The following DTD1 variants were observed in gnomAD, a reference collection of about 807,000 sequenced individuals.
The protein encoded by DTD1 is D-tyrosyl-tRNA deacylase 1 homolog.
DTD1 carries 13 observed loss-of-function variants against 25.6 expected under a neutral mutation model. The ratio of observed to expected loss-of-function variants is 0.51; its 90% CI spans 0.33 to 0.81. The LOEUF (loss-of-function observed/expected upper bound fraction) is 0.81. Among genes scored for constraint, DTD1 ranks in the 30% least tolerant of loss-of-function variants. The pLI is 0.02. For missense variants in DTD1, 193 were observed against 266.4 expected, an observed-to-expected ratio of 0.72 and a Z score of 1.92; for synonymous variants, 110 against 103.6, an observed-to-expected ratio of 1.06 and a Z score of -0.37.
chr20:18,762,938 T>C (rs2061368564), intron 5 of DTD1, among the ~76,000 whole-genome samples: 1 of 152,156 alleles, frequency 6.6e-6, no homozygotes, highest in South Asian at 2.1e-4. Flanking sequence ...TTTGATAACC[T>C]TTTTCTTTTG....
chr20:18,680,184 A>G (rs1357870040), intron 4 of DTD1, among the ~76,000 whole-genome samples: 1 of 151,968 alleles, frequency 6.6e-6, no homozygotes, highest in African/African-American at 2.4e-5. Context: ...CATTTTGCAG[A>G]TTATCAAATC....
Position 18,724,453 on chromosome 20 carries a change from A to G in DTD1, c.478-19647A>G, listed in dbSNP as rs547385887. Among the ~76,000 whole-genome samples the G allele has an allele frequency of 3.3e-5, 5 of 152,336 alleles. No individual in the cohort carries two copies. In the East Asian group the frequency reaches 9.6e-4, roughly 29 times the overall value. ...ATGGCCATGGAGAATTCTATTGCCC[A>G]AGACCTCAGTTCTTCTATCATAATA... On this transcript the variant is annotated intron_variant, in intron 4 of 5. Coordinates refer to ENST00000377452, the MANE Select transcript of DTD1 (RefSeq NM_080820.6).
In DTD1 at chr20:18,759,064, CT is replaced by C. The variant is rs551053582; in HGVS notation, c.*20-4289del. Among the ~76,000 whole-genome samples the C allele has an allele frequency of 2.5e-3, 373 of 152,182 alleles. 7 individuals are homozygous for C. Among genetic ancestry groups the C allele is most frequent in the Admixed American group, 0.02 (303 of 15,282 alleles). ...CAGAGACTAGGATTGCAACCCCTGC[CT>C]TTTTTTGTTTTTTCATTTGCTTGGT... On this transcript the variant is annotated intron_variant, in intron 5 of 5. Transcript: ENST00000377452.
intron 3 of DTD1, among the ~76,000 whole-genome samples, chr20:18,610,827 G>A (rs962114279): frequency 1.3e-5 from 2 of 152,174 alleles, no homozygotes; most frequent in South Asian, 4.1e-4. Flanking sequence ...TGGGAGGATC[G>A]CTTTCACACA....
chr20:18,623,395 TTTCAC>T (rs1346992763), intron 3 of DTD1, among the ~76,000 whole-genome samples: 1 of 152,194 alleles, frequency 6.6e-6, no homozygotes, highest in Non-Finnish European at 1.5e-5. Context: ...TCTTCACTCT[TTTCAC>T]TTCATCTTCT....
chr20:18,603,779 G>A (rs1287028141), intron 3 of DTD1, among the ~76,000 whole-genome samples: 2 of 120,302 alleles, frequency 1.7e-5, no homozygotes, highest in Admixed American at 9.2e-5. Flanking sequence ...AAAGCAGTGT[G>A]TAGAGGGAAA....
Position 18,766,414 on chromosome 20 carries a change from A to G in DTD1, c.*3074A>G, listed in dbSNP as rs957319796. The stretch of plus-strand genomic sequence containing the variant: ...CCCTCATCTCAGAAGACATGGAATA[A>G]TATCAAAAGTAAAGCCACCCACTGG... On this transcript the variant is annotated 3_prime_UTR_variant, in exon 6 of 6. Transcript: ENST00000377452. 6.6e-6 allele frequency: 1 copy of G among 152,166 alleles called. No individual in the cohort carries two copies. Among genetic ancestry groups the G allele is most frequent in the Non-Finnish European group, 1.5e-5 (1 of 68,050 alleles). The allele number at this position is 152,166 out of a possible 1,614,324, so 9.4% of individuals were successfully genotyped here.
chr20:18,634,966 T>G (rs989956009), intron 4 of DTD1, among the ~76,000 whole-genome samples: 1 of 152,182 alleles, frequency 6.6e-6, no homozygotes, highest in African/African-American at 2.4e-5. Flanking sequence ...GGAAGAATTA[T>G]GTTGTTGCTA....
At chr20:18,627,167 A>G (rs117228960) in intron 3 of DTD1, among the ~76,000 whole-genome samples, 4,033 of 152,260 alleles carry the variant, frequency 0.026, 63 homozygotes, top group South Asian at 0.039. Flanking sequence ...ACAATTTCCA[A>G]TGCTACTGTC....
intron 3 of DTD1, among the ~76,000 whole-genome samples, chr20:18,606,784 G>GC (rs2060660711): frequency 7.6e-6 from 1 of 131,368 alleles, no homozygotes; most frequent in African/African-American, 3.0e-5. Flanking sequence ...GTGGTGGGGG[G>GC]GGGGAGGGGG....
At chr20:18,689,591 A>G in intron 4 of DTD1, among the ~76,000 whole-genome samples, 1 of 152,166 alleles carries the variant, frequency 6.6e-6, no homozygotes, top group Non-Finnish European at 1.5e-5. Context: ...GGGGGCAGGA[A>G]GGATGTTGGT....
chr20:18,738,672 C>T (rs1600398354), intron 4 of DTD1, among the ~76,000 whole-genome samples: 1 of 152,170 alleles, frequency 6.6e-6, no homozygotes, highest in South Asian at 2.1e-4. Flanking sequence ...GTCTTGTTGG[C>T]TATGGTTTGT....
intron 4 of DTD1, among the ~76,000 whole-genome samples, chr20:18,662,587 A>G (rs899644089): frequency 1.3e-5 from 2 of 152,228 alleles, no homozygotes; most frequent in Non-Finnish European, 2.9e-5. Context: ...GCGTTATCCA[A>G]ACAACCAAAA....
intron 4 of DTD1, among the ~76,000 whole-genome samples, chr20:18,654,877 C>T (rs571684009): frequency 1.3e-5 from 2 of 152,184 alleles, no homozygotes; most frequent in East Asian, 3.9e-4. Context: ...ATAAAAGTCT[C>T]TTACATTGCT....
chr20:18,740,309 GT>G (rs1223474867), intron 4 of DTD1, among the ~76,000 whole-genome samples: 10 of 147,414 alleles, frequency 6.8e-5, no homozygotes, highest in Non-Finnish European at 7.5e-5. Flanking sequence ...TTCACATTTT[GT>G]TTTTTTTTTG....
chr20:18,631,026 C>T, intron 4 of DTD1: 1 of 982,000 alleles, frequency 1.0e-6, no homozygotes. Flanking sequence ...CCAGATACCT[C>T]CATGTTAGAT....
At chr20:18,726,043 T>C (rs1048686408) in intron 4 of DTD1, among the ~76,000 whole-genome samples, 2 of 152,202 alleles carry the variant, frequency 1.3e-5, no homozygotes, top group African/African-American at 4.8e-5. Context: ...CTGGATTGTT[T>C]TGTTATAGAA....
intron 4 of DTD1, among the ~76,000 whole-genome samples, chr20:18,731,861 T>C (rs971027181): frequency 6.6e-6 from 1 of 152,246 alleles, no homozygotes; most frequent in African/African-American, 2.4e-5. Context: ...TGTTCTTCTC[T>C]TTCTTTTCTC....
intron 4 of DTD1, among the ~76,000 whole-genome samples, chr20:18,726,330 T>C (rs899033504): frequency 6.6e-6 from 1 of 152,210 alleles, no homozygotes; most frequent in African/African-American, 2.4e-5. Flanking sequence ...GATTTAATAA[T>C]TGAAAATCAC....
Sources: allele counts gnomAD v4.1 joint callset (sites outside exome capture counted in the v4.1 genomes callset), GRCh38; gene constraint gnomAD v4.1.1; transcripts MANE v1.5; gene names NCBI Gene and HGNC (gene_info 2026-07-23, HGNC 2026-07-21).